The following PCDH9 variants were observed in gnomAD, a reference collection of about 807,000 sequenced individuals.
The protein encoded by PCDH9 is protocadherin-9.
In PCDH9, 24 loss-of-function variants were observed where a neutral mutation model predicts 70.6. The ratio of observed to expected loss-of-function variants is 0.34; its 90% confidence interval spans 0.25 to 0.48. PCDH9 has a LOEUF of 0.48. PCDH9 is among the 20% of genes least tolerant of loss of function. The pLI is 0.99. For missense variants in PCDH9, 1,281 were observed against 1,503.6 expected (o/e 0.85, Z 2.45); for synonymous variants, 562 against 558.5 (o/e 1.01, Z -0.09).
chr13:66,919,381 A>G (rs1447395466), intron 2 of PCDH9, among the ~76,000 whole-genome samples: 5 of 151,316 alleles, frequency 3.3e-5, no homozygotes, highest in Non-Finnish European at 1.5e-5. Flanking sequence ...TCTGAAGCAA[A>G]TATAACTTCT....
At position 66,429,631 on chromosome 13, in the gene PCDH9, C is replaced by T. The variant is rs532570667; in HGVS notation, c.3341-124603G>A. Among the ~76,000 whole-genome samples, 8 of 151,276 alleles carry T rather than the reference C, an allele frequency of 5.3e-5. No individual in the cohort carries two copies. The South Asian group carries it at 8.3e-4, about 16-fold the overall frequency. On this transcript the variant is annotated intron_variant, in intron 4 of 4. Coordinates refer to ENST00000377865, the MANE Select transcript of PCDH9 (RefSeq NM_203487.3). Reference sequence around the variant, plus strand: ...GGTCTATAAATATCTTCAAGGTAACCGTGAATCTAAGGGGAGGACATCATT... The same window carrying T: ...GGTCTATAAATATCTTCAAGGTAACTGTGAATCTAAGGGGAGGACATCATT...
chr13:66,508,774 T>C (rs1959310867), intron 4 of PCDH9, among the ~76,000 whole-genome samples: 1 of 152,226 alleles, frequency 6.6e-6, no homozygotes, highest in South Asian at 2.1e-4. Context: ...GATATACTGA[T>C]ATCCAATCTG....
chr13:66,306,138 A>T (rs1166470871), intron 4 of PCDH9: 1 of 151,988 alleles, frequency 6.6e-6, no homozygotes, highest in Non-Finnish European at 1.5e-5. Flanking sequence ...AAATGCAGAG[A>T]GTCATCAGAA....
At position 67,004,564 on chromosome 13, in the gene PCDH9, A is replaced by AAAAAG. The variant is rs1391505734; in HGVS notation, c.3037-100960_3037-100959insCTTTT. Among the ~76,000 whole-genome samples the AAAAAG allele has an allele frequency of 4.4e-3, 654 of 148,220 alleles. 1 individual carries two copies. Among genetic ancestry groups the AAAAAG allele is most frequent in the East Asian group, 0.012 (62 of 5,076 alleles). On this transcript the variant is annotated intron_variant, in intron 2 of 4. Coordinates refer to ENST00000377865, the MANE Select transcript of PCDH9 (RefSeq NM_203487.3). ...AGAGACTCCGTCTCAAAAAAAAAAA[A>AAAAAG]AAAGAAAGAAAGAAAGAAAGAAAGA...
chr13:66,565,411 T>C (rs1306787285), intron 4 of PCDH9, among the ~76,000 whole-genome samples: 1 of 152,194 alleles, frequency 6.6e-6, no homozygotes, highest in African/African-American at 2.4e-5. Context: ...AAAAGCTGTA[T>C]GAGAAACCTA....
At chr13:66,422,881 A>G (rs1347939188) in intron 4 of PCDH9, among the ~76,000 whole-genome samples, 1 of 152,024 alleles carries the variant, frequency 6.6e-6, no homozygotes, top group Non-Finnish European at 1.5e-5. Flanking sequence ...TGGTTTTTTG[A>G]AAAAGATTAA....
chr13:66,947,636 G>A (rs2083110309), intron 2 of PCDH9, among the ~76,000 whole-genome samples: 1 of 152,092 alleles, frequency 6.6e-6, no homozygotes, highest in South Asian at 2.1e-4. Flanking sequence ...TAGAGGACTA[G>A]ACCAAAGGCA....
chr13:66,514,805 C>T (rs1181023609), intron 4 of PCDH9, among the ~76,000 whole-genome samples: 2 of 152,082 alleles, frequency 1.3e-5, no homozygotes, highest in South Asian at 2.1e-4. Context: ...GGCTATACTG[C>T]ATCGTTCACA....
chr13:66,487,273 A>G (rs1048102542), intron 4 of PCDH9, among the ~76,000 whole-genome samples: 2 of 152,240 alleles, frequency 1.3e-5, no homozygotes, highest in Non-Finnish European at 2.9e-5. Context: ...ATGCTGTTCC[A>G]TAAATTACAA....
intron 2 of PCDH9, among the ~76,000 whole-genome samples, chr13:67,099,959 T>C (rs953845379): frequency 6.6e-6 from 1 of 152,190 alleles, no homozygotes; most frequent in Non-Finnish European, 1.5e-5. Context: ...ACATCTATTA[T>C]GCATCTCTGG....
rs530678933 is a variant in PCDH9 at position 66,324,570 on chromosome 13, A to G, written c.3341-19542T>C. Among the ~76,000 whole-genome samples the G allele has an allele frequency of 1.3e-4, 20 of 152,170 alleles. No homozygotes were observed. The South Asian group carries it at 3.5e-3, about 27-fold the overall frequency. ...TAATTACAACAAGCATGACCAAAAT[A>G]AAATAAAACTATATGTGCCAATTAC... On this transcript the variant is annotated intron_variant, in intron 4 of 4. Transcript: ENST00000377865.
chr13:66,820,888 T>C (rs1198523067), intron 3 of PCDH9, among the ~76,000 whole-genome samples: 1 of 152,026 alleles, frequency 6.6e-6, no homozygotes, highest in African/African-American at 2.4e-5. Flanking sequence ...AACTAATGGG[T>C]ATTAGGCTTA....
At position 66,451,451 on chromosome 13, in the gene PCDH9, C is replaced by A. The variant is rs192589294; in HGVS notation, c.3341-146423G>T. On this transcript the variant is annotated intron_variant, in intron 4 of 4. Coordinates refer to ENST00000377865, the MANE Select transcript of PCDH9 (RefSeq NM_203487.3). ...TTTAAAATGAACCTAAACATAAGAA[C>A]AATTTTGATTAATTTCAATATGCCT... 7.2e-4 allele frequency among the ~76,000 whole-genome samples: 109 copies of A among 152,176 alleles called. No homozygotes were observed. The East Asian group carries it at 0.019, about 26-fold the overall frequency.
intron 3 of PCDH9, among the ~76,000 whole-genome samples, chr13:66,847,364 A>G (rs553305737): frequency 6.6e-6 from 1 of 152,142 alleles, no homozygotes; most frequent in Admixed American, 6.5e-5. Flanking sequence ...ATCCCCCCTT[A>G]TGAGGGGGAT....
intron 2 of PCDH9, among the ~76,000 whole-genome samples, chr13:67,134,007 C>T (rs1332398304): frequency 6.6e-6 from 1 of 151,986 alleles, no homozygotes; most frequent in Non-Finnish European, 1.5e-5. Context: ...CTCTTAATTC[C>T]ACTCAAAATC....
intron 2 of PCDH9, among the ~76,000 whole-genome samples, chr13:67,190,812 C>T (rs948322990): frequency 3.3e-5 from 5 of 151,954 alleles, no homozygotes; most frequent in Non-Finnish European, 7.4e-5. Flanking sequence ...ATACGCATTG[C>T]CTGTTTATGT....
At chr13:66,891,507 T>C (rs2082095387) in intron 3 of PCDH9, among the ~76,000 whole-genome samples, 1 of 152,098 alleles carries the variant, frequency 6.6e-6, no homozygotes, top group Non-Finnish European at 1.5e-5. Context: ...TTTGCTGAAA[T>C]TGTATCCTAG....
Position 66,954,469 on chromosome 13 carries a change from A to G in PCDH9, c.3037-50864T>C, listed in dbSNP as rs140579705. ...ACTCCTACAATTTTTTACCCTAAACATTGGATAAGCTGAAGCTTACAGAGA... is the reference window on the plus strand; with the variant it reads ...ACTCCTACAATTTTTTACCCTAAACGTTGGATAAGCTGAAGCTTACAGAGA... On this transcript the variant is annotated intron_variant, in intron 2 of 4. Transcript: ENST00000377865. Among the ~76,000 whole-genome samples the G allele has an allele frequency of 4.7e-3, 718 of 152,254 alleles. 4 individuals are homozygous for G. The highest frequency in any genetic ancestry group is 0.016 in the African/African-American group (662 of 41,560).
At chr13:66,737,937 C>T (rs1285750134) in intron 3 of PCDH9, among the ~76,000 whole-genome samples, 16 of 152,192 alleles carry the variant, frequency 1.1e-4, no homozygotes, top group Admixed American at 3.3e-4. Context: ...CCGCCATTGC[C>T]CAGGCTTGCT....
Sources: gnomAD v4.1 joint callset for allele counts (sites outside exome capture counted in the v4.1 genomes callset) on GRCh38, gnomAD v4.1.1 for gene constraint, MANE v1.5 for transcripts, NCBI Gene and HGNC (gene_info 2026-07-23, HGNC 2026-07-21) for gene names.